PPP2CA: variants seen among roughly 807,000 people sequenced by gnomAD.
The protein encoded by PPP2CA is serine/threonine-protein phosphatase 2A catalytic subunit alpha isoform.
Under a neutral mutation model 38.8 loss-of-function variants are expected in PPP2CA, and 5 were observed. The observed-to-expected ratio is 0.13, with a 90% CI of 0.07 to 0.27. The LOEUF is 0.27. Ranked by LOEUF, PPP2CA falls within the 10% of genes least tolerant of loss-of-function variation. The pLI is 1.00. For synonymous variants in PPP2CA, 152 were observed against 134.0 expected (o/e 1.13, Z -0.93); for missense variants, 88 against 389.7 (o/e 0.23, Z 6.52).
Position 134,225,932 on chromosome 5 carries a change from G to A in PPP2CA, c.-71C>T. Reference sequence around the variant, plus strand: ...CCGCCGCCCGCACACGGGCCTACACGCACACGCCGCCGCCGGTTCCTCGTG... The same window carrying A: ...CCGCCGCCCGCACACGGGCCTACACACACACGCCGCCGCCGGTTCCTCGTG... On this transcript the variant is annotated 5_prime_UTR_variant, in exon 1 of 7. Coordinates refer to ENST00000481195, the MANE Select transcript of PPP2CA (RefSeq NM_002715.4). 1 of 1,378,578 alleles carries A rather than the reference G, an allele frequency of 7.3e-7. No individual in the cohort carries two copies. Among genetic ancestry groups the A allele is most frequent in the Non-Finnish European group, 1.0e-6 (1 of 995,468 alleles). 85.4% of individuals were successfully genotyped at this position (1,378,578 alleles called of 1,614,324 possible).
At chr5:134,198,698 T>A (rs997787979) in intron 6 of PPP2CA, among the ~76,000 whole-genome samples, 1 of 152,078 alleles carries the variant, frequency 6.6e-6, no homozygotes, top group African/African-American at 2.4e-5. Context: ...CCTGAGTAGC[T>A]GGGATTACAG....
At chr5:134,203,297 C>T (rs1436445559) in intron 2 of PPP2CA, among the ~76,000 whole-genome samples, 2 of 152,160 alleles carry the variant, frequency 1.3e-5, no homozygotes, top group African/African-American at 4.8e-5. Context: ...ACATTTAGTT[C>T]TATGATACAT....
chr5:134,220,011 A>C (rs1762403282), intron 1 of PPP2CA, among the ~76,000 whole-genome samples: 2 of 7,308 alleles, frequency 2.7e-4, no homozygotes, highest in African/African-American at 1.4e-3. Context: ...GCTCCGTATC[A>C]AAAAAAAAAA....
At chr5:134,203,502 C>T (rs1762010628) in intron 2 of PPP2CA, 2 of 152,230 alleles carry the variant, frequency 1.3e-5, no homozygotes, top group Admixed American at 1.3e-4. Flanking sequence ...GGCCTCTCTC[C>T]TTGATTTATG....
intron 1 of PPP2CA, among the ~76,000 whole-genome samples, chr5:134,207,097 C>T (rs1762098816): frequency 6.6e-6 from 1 of 152,234 alleles, no homozygotes. Flanking sequence ...GCAATCTTAG[C>T]TGCACATTAA....
chr5:134,211,562 C>A (rs532344739), intron 1 of PPP2CA, among the ~76,000 whole-genome samples: 3 of 151,044 alleles, frequency 2.0e-5, no homozygotes, highest in African/African-American at 7.3e-5. Flanking sequence ...CTGCAACCTC[C>A]GCCTCCTAGG....
At chr5:134,221,258 T>G (rs192807888) in intron 1 of PPP2CA, among the ~76,000 whole-genome samples, 1 of 152,152 alleles carries the variant, frequency 6.6e-6, no homozygotes, top group South Asian at 2.1e-4. Flanking sequence ...ACTACAGGTG[T>G]GTGCCACCAC....
rs959010413 is a variant in PPP2CA, at chr5:134,217,521, A to T, written c.102+8239T>A. On this transcript the variant is annotated intron_variant, in intron 1 of 6. Transcript: ENST00000481195. ...ATTACTAAATTCACAGGCAAAAAAA[A>T]TTTTTTCAATATCCCAAGAGAATTT... Among the ~76,000 whole-genome samples the T allele has an allele frequency of 2.8e-4, 43 of 152,242 alleles. 1 individual carries two copies. Among genetic ancestry groups the T allele is most frequent in the East Asian group, 5.8e-4 (3 of 5,188 alleles).
At chr5:134,199,240 C>T (rs1761921972) in intron 5 of PPP2CA, 36 bp from the exon 6 acceptor site, 1 of 1,466,600 alleles carries the variant, frequency 6.8e-7, no homozygotes, top group African/African-American at 1.4e-5. Context: ...TTACTTTACT[C>T]CCTCAATTCA....
At chr5:134,213,530 A>G (rs2149386631) in intron 1 of PPP2CA, among the ~76,000 whole-genome samples, 1 of 152,226 alleles carries the variant, frequency 6.6e-6, no homozygotes, top group South Asian at 2.1e-4. Context: ...ACACACCTGT[A>G]GTACCAGCTA....
intron 1 of PPP2CA, among the ~76,000 whole-genome samples, chr5:134,207,132 G>A (rs552810918): frequency 2.6e-5 from 4 of 152,266 alleles, no homozygotes; most frequent in Middle Eastern, 3.4e-3. Context: ...AGCCAGGCGC[G>A]GTGGCTCGCA....
chr5:134,221,133 A>T (rs1484602519), intron 1 of PPP2CA, among the ~76,000 whole-genome samples: 1 of 152,088 alleles, frequency 6.6e-6, no homozygotes, highest in Non-Finnish European at 1.5e-5. Flanking sequence ...GCCGGGGGGA[A>T]TGGGGTCTCC....
At chr5:134,211,109 T>G (rs1055737820) in intron 1 of PPP2CA, among the ~76,000 whole-genome samples, 1 of 152,120 alleles carries the variant, frequency 6.6e-6, no homozygotes, top group Non-Finnish European at 1.5e-5. Context: ...CTTTTTTTTT[T>G]TTGAGACAAG....
At chr5:134,208,978 T>C (rs754084131) in intron 1 of PPP2CA, among the ~76,000 whole-genome samples, 1 of 152,166 alleles carries the variant, frequency 6.6e-6, no homozygotes, top group Non-Finnish European at 1.5e-5. Flanking sequence ...GCAATATATA[T>C]CCTCGTATTT....
Position 134,196,650 on chromosome 5 carries a change from A to G in PPP2CA, c.*1122T>C, listed in dbSNP as rs1239001046. 1 of 151,214 alleles carries G rather than the reference A, an allele frequency of 6.6e-6. No homozygotes were observed. Among genetic ancestry groups the G allele is most frequent in the African/African-American group, 2.5e-5 (1 of 40,484 alleles). The allele number at this position is 151,214 out of a possible 1,614,324, so 9.4% of individuals were successfully genotyped here. ...TTTGCCAATCTGTCAATCATTTTAA[A>G]GAGTCCATATAATATACACATAGCA... On this transcript the variant is annotated 3_prime_UTR_variant, in exon 7 of 7. Transcript: ENST00000481195.
chr5:134,212,483 A>T (rs1341939924), intron 1 of PPP2CA, among the ~76,000 whole-genome samples: 1 of 152,186 alleles, frequency 6.6e-6, no homozygotes, highest in Non-Finnish European at 1.5e-5. Context: ...CTGACTGGCC[A>T]TTCTGTCTCT....
In PPP2CA at chr5:134,195,747, T is replaced by C. The variant is rs982942148; in HGVS notation, c.*2025A>G. 2.0e-5 allele frequency: 3 copies of C among 152,236 alleles called. No individual in the cohort carries two copies. The highest frequency in any genetic ancestry group is 4.8e-5 in the African/African-American group (2 of 41,468). The allele number at this position is 152,236 out of a possible 1,614,324, so 9.4% of individuals were successfully genotyped here. A position where few individuals can be genotyped will look rare whatever the true frequency, so the allele number is the denominator to read the frequency against. On this transcript the variant is annotated 3_prime_UTR_variant, in exon 7 of 7. Transcript: ENST00000481195. ...GGGTACTAACACTTTCCAGTTTAGATGGCCAAAGCCCGGTCAGTCTCTATA... is the reference window on the plus strand; with the variant it reads ...GGGTACTAACACTTTCCAGTTTAGACGGCCAAAGCCCGGTCAGTCTCTATA...
intron 6 of PPP2CA, 26 bp downstream of exon 6, chr5:134,199,060 G>T (rs764814658): frequency 1.3e-6 from 2 of 1,545,820 alleles, no homozygotes; most frequent in South Asian, 2.2e-5. Context: ...AGTAATGCAA[G>T]AAAATGTTCA....
At chr5:134,200,297 C>A in intron 5 of PPP2CA, 38 bp downstream of exon 5, 1 of 1,555,280 alleles carries the variant, frequency 6.4e-7, no homozygotes, top group Non-Finnish European at 8.7e-7. Context: ...CTTAAGTTTA[C>A]TAAAAAAACA....
Sources: allele counts gnomAD v4.1 joint callset (sites outside exome capture counted in the v4.1 genomes callset), GRCh38; gene constraint gnomAD v4.1.1; transcripts MANE v1.5; gene names NCBI Gene and HGNC (gene_info 2026-07-23, HGNC 2026-07-21).